UST: variants seen among roughly 807,000 people sequenced by gnomAD.
UST encodes uronyl 2-sulfotransferase.
UST carries 21 observed loss-of-function variants against 45.6 expected under a neutral mutation model. The observed-to-expected ratio is 0.46, with a 90% CI of 0.33 to 0.66. The LOEUF is 0.66. Among genes scored for constraint, UST ranks in the 30% least tolerant of loss-of-function variants. UST has a pLI of 0.02. For synonymous variants in UST, 215 were observed against 200.6 expected (o/e 1.07, Z -0.61); for missense variants, 463 against 512.4 (o/e 0.90, Z 0.93).
chr6:149,030,318 T>C (rs888833674), intron 7 of UST, among the ~76,000 whole-genome samples: 1 of 152,088 alleles, frequency 6.6e-6, no homozygotes, highest in African/African-American at 2.4e-5. Context: ...GCATTCATAG[T>C]ATGTATTGCC....
intron 1 of UST, among the ~76,000 whole-genome samples, chr6:148,862,457 C>T (rs1006073293): frequency 6.6e-6 from 1 of 152,162 alleles, no homozygotes; most frequent in Non-Finnish European, 1.5e-5. Flanking sequence ...ATCCAATTTG[C>T]CAGTCTGTGT....
At chr6:148,957,169 G>C (rs114971247) in intron 4 of UST, among the ~76,000 whole-genome samples, 1,801 of 152,280 alleles carry the variant, frequency 0.012, 19 homozygotes, top group African/African-American at 0.032. Context: ...TCAATAAAAA[G>C]CCAGAACTGA....
At chr6:148,812,661 C>T (rs936978896) in intron 1 of UST, among the ~76,000 whole-genome samples, 2 of 152,162 alleles carry the variant, frequency 1.3e-5, no homozygotes, top group African/African-American at 4.8e-5. Context: ...TAGGGGTGCT[C>T]ATGACATGGT....
Position 149,013,837 on chromosome 6 carries a change from A to G in UST, c.682-5302A>G, listed in dbSNP as rs116176354. On this transcript the variant is annotated intron_variant, in intron 5 of 7. Coordinates refer to ENST00000367463, the MANE Select transcript of UST (RefSeq NM_005715.3). ...CCATGTTTCAAGCATGGAGCTGTGTAAAAACACCAATAAGTCTTTTTTCAG... is the reference window on the plus strand; with the variant it reads ...CCATGTTTCAAGCATGGAGCTGTGTGAAAACACCAATAAGTCTTTTTTCAG... 6.9e-3 allele frequency among the ~76,000 whole-genome samples: 1,054 copies of G among 152,328 alleles called. 13 individuals are homozygous for G. The highest frequency in any genetic ancestry group is 0.024 in the African/African-American group (1,008 of 41,576).
At chr6:148,898,381 T>C (rs9399669) in intron 2 of UST, among the ~76,000 whole-genome samples, 5,546 of 152,318 alleles carry the variant, frequency 0.036, 445 homozygotes, top group East Asian at 0.35. Flanking sequence ...TAAAATAATC[T>C]GCAAAAGGAA....
intron 1 of UST, among the ~76,000 whole-genome samples, chr6:148,833,545 C>A (rs1777730523): frequency 6.6e-6 from 1 of 152,084 alleles, no homozygotes; most frequent in Non-Finnish European, 1.5e-5. Context: ...GAAAACTTAG[C>A]CTTGGCTTTA....
intron 1 of UST, among the ~76,000 whole-genome samples, chr6:148,883,294 A>G (rs1778856713): frequency 6.6e-6 from 1 of 152,232 alleles, no homozygotes; most frequent in Admixed American, 6.5e-5. Flanking sequence ...AGGTAGTGAG[A>G]AGGATTGTCT....
At chr6:149,016,414 C>A (rs1157604267) in intron 5 of UST, among the ~76,000 whole-genome samples, 3 of 152,204 alleles carry the variant, frequency 2.0e-5, no homozygotes, top group African/African-American at 7.2e-5. Flanking sequence ...CTGGCAGGGT[C>A]AGCAAATGGA....
intron 2 of UST, among the ~76,000 whole-genome samples, chr6:148,910,532 C>T (rs1779452260): frequency 6.6e-6 from 1 of 152,086 alleles, no homozygotes. Context: ...ATACTGCAGC[C>T]CACCTGTTCT....
At chr6:149,014,091 TG>T (rs974750537) in intron 5 of UST, among the ~76,000 whole-genome samples, 6 of 152,176 alleles carry the variant, frequency 3.9e-5, no homozygotes, top group African/African-American at 1.2e-4. Context: ...GAGAGGCCTG[TG>T]GGCCTGGCAG....
At chr6:148,976,046 A>C (rs1781009564) in intron 5 of UST, among the ~76,000 whole-genome samples, 1 of 152,262 alleles carries the variant, frequency 6.6e-6, no homozygotes, top group Admixed American at 6.5e-5. Context: ...TTTATTCTTA[A>C]AGATATTAAG....
At chr6:148,793,075 A>G (rs532446781) in intron 1 of UST, among the ~76,000 whole-genome samples, 1 of 152,292 alleles carries the variant, frequency 6.6e-6, no homozygotes, top group East Asian at 1.9e-4. Flanking sequence ...GTTGAGAAAG[A>G]TGGAGAGGAC....
intron 4 of UST, among the ~76,000 whole-genome samples, chr6:148,960,125 C>T (rs1450042455): frequency 1.3e-5 from 2 of 152,052 alleles, no homozygotes; most frequent in African/African-American, 2.4e-5. Flanking sequence ...CCCATCTCTA[C>T]TAAAAATACA....
intron 2 of UST, among the ~76,000 whole-genome samples, chr6:148,890,096 A>G (rs1276300054): frequency 1.3e-5 from 2 of 152,148 alleles, no homozygotes; most frequent in African/African-American, 2.4e-5. Context: ...CTATAACTGT[A>G]TTTTCATTAT....
chr6:148,857,425 T>C (rs933397714), intron 1 of UST, among the ~76,000 whole-genome samples: 2 of 152,186 alleles, frequency 1.3e-5, no homozygotes, highest in African/African-American at 4.8e-5. Context: ...GCCAACATTG[T>C]ATCTACTCCT....
chr6:149,049,085 A>G (rs551369303), intron 7 of UST, among the ~76,000 whole-genome samples: 1 of 152,352 alleles, frequency 6.6e-6, no homozygotes, highest in South Asian at 2.1e-4. Flanking sequence ...ATTGTATATT[A>G]AAATTGATGT....
At chr6:149,049,237 A>C (rs1279120844) in intron 7 of UST, among the ~76,000 whole-genome samples, 1 of 152,250 alleles carries the variant, frequency 6.6e-6, no homozygotes, top group African/African-American at 2.4e-5. Context: ...ATAGTTTACC[A>C]TTGCACAATA....
intron 1 of UST, among the ~76,000 whole-genome samples, chr6:148,769,511 G>T (rs1431469861): frequency 6.6e-6 from 1 of 152,222 alleles, no homozygotes; most frequent in Non-Finnish European, 1.5e-5. Context: ...GTGACCTTGG[G>T]TAATTCACTT....
chr6:148,909,667 T>G (rs140152688), intron 2 of UST, among the ~76,000 whole-genome samples: 4 of 152,188 alleles, frequency 2.6e-5, no homozygotes, highest in African/African-American at 9.7e-5. Context: ...GCAGCAAGGA[T>G]GTGTGCTGGC....
Sources: gnomAD v4.1 joint callset for allele counts (sites outside exome capture counted in the v4.1 genomes callset) on GRCh38, gnomAD v4.1.1 for gene constraint, MANE v1.5 for transcripts, NCBI Gene and HGNC (gene_info 2026-07-23, HGNC 2026-07-21) for gene names.